The following DCST2 variants were observed in gnomAD, a reference collection of about 807,000 sequenced individuals.
DCST2 encodes DC-STAMP domain-containing protein 2.
DCST2 carries 64 observed loss-of-function variants against 81.8 expected under a neutral mutation model. That is an observed-to-expected ratio of 0.78 (90% CI 0.64 to 0.96). DCST2 has a LOEUF of 0.96. DCST2 is among the 40% of genes least tolerant of loss of function. DCST2 has a pLI of 0.00. For synonymous variants in DCST2, 354 were observed against 402.6 expected (o/e 0.88, Z 1.44); for missense variants, 945 against 1,001.4 (o/e 0.94, Z 0.76).
chr1:155,030,448 C>G lies in DCST2; in HGVS notation c.1003G>C (p.Val335Leu). The G allele has an allele frequency of 6.2e-7, 1 of 1,613,714 alleles. No individual in the cohort carries two copies. The highest frequency in any genetic ancestry group is 8.5e-7 in the Non-Finnish European group (1 of 1,179,936). ...GCCCCTCACTGGAGGTAGAGAAGCA[C>G]AAGCAGCAGAGGCGTGGTGAAGCCC... The part of the protein sequence containing the change: ...LMGFTTPLLL[V>L]LLYLQALFYR... Residue 335 changes from valine to leucine, a missense_variant, in exon 6 of 15, where the codon GTG (valine) becomes CTG (leucine). Transcript: ENST00000368424.
rs1376044950 is a variant in DCST2 at position 155,026,638 on chromosome 1, C to T, written c.1420G>A (p.Asp474Asn). 1 of 1,614,214 alleles carries T rather than the reference C, an allele frequency of 6.2e-7. No homozygotes were observed. The highest frequency in any genetic ancestry group is 1.3e-5 in the African/African-American group (1 of 75,046). Reference protein sequence around the residue: ...NIYRDLVSAFDVLQQGNISIL... With the variant: ...NIYRDLVSAFNVLQQGNISIL... The stretch of plus-strand genomic sequence containing the variant: ...CTGATGTTGCCTTGCTGCAGGACAT[C>T]AAATGCTGACACCAGGTCACGATAA... The change falls in exon 9 of 15, where the codon GAT (aspartate) becomes AAT (asparagine). Residue 474 changes from aspartate (D) to asparagine (N), a missense_variant. By Grantham distance (23) the Asp-to-Asn change is conservative. Transcript: ENST00000368424.
chr1:155,024,290 A>C (rs1034374676), intron 11 of DCST2, among the ~76,000 whole-genome samples, 182 bp downstream of exon 11: 1 of 152,188 alleles, frequency 6.6e-6, no homozygotes, highest in African/African-American at 2.4e-5. Context: ...CCTAAAACTT[A>C]AAGTATAATA....
chr1:155,028,887 A>G (rs1381462626), intron 8 of DCST2, among the ~76,000 whole-genome samples: 1 of 151,070 alleles, frequency 6.6e-6, no homozygotes, highest in African/African-American at 2.4e-5. Context: ...AAAAAAAAAA[A>G]GAGGAAACTG....
intron 11 of DCST2, among the ~76,000 whole-genome samples, chr1:155,024,175 G>A (rs1270200761): frequency 6.6e-6 from 1 of 152,144 alleles, no homozygotes; most frequent in African/African-American, 2.4e-5. Context: ...GAGAGGGATA[G>A]CATTAGGAGA....
In DCST2 at chr1:155,026,580, G is replaced by T. The variant is rs199571532; in HGVS notation, c.1478C>A (p.Ser493Ter). 3.1e-6 allele frequency: 5 copies of T among 1,614,200 alleles called. No individual in the cohort carries two copies. In the South Asian group the frequency reaches 3.3e-5, roughly 11 times the overall value. Residue 493 changes from serine (S) to a stop codon, truncating the protein, a stop_gained, in exon 9 of 15, where the codon TCG becomes TAG. Coordinates refer to ENST00000368424, the MANE Select transcript of DCST2 (RefSeq NM_144622.3). LOFTEE classifies it high-confidence loss of function. ...TATGTAGCCAGTGCTGTCAGGCTCC[G>T]AGGGACGAAGGAGACAACGCCGGGA... ...ILSRRCLLRPSEPDSTGYIVI... is the reference protein window; with the variant it reads ...ILSRRCLLRP
At position 155,021,935 on chromosome 1, in the gene DCST2, T is replaced by C. The variant is rs187323130; in HGVS notation, c.2105+1182A>G. Among the ~76,000 whole-genome samples, 1,135 of 151,894 alleles carry C rather than the reference T, an allele frequency of 7.5e-3. 17 individuals carry two copies. The highest frequency in any genetic ancestry group is 0.026 in the African/African-American group (1,086 of 41,362). On this transcript the variant is annotated intron_variant, in intron 14 of 14. Coordinates refer to ENST00000368424, the MANE Select transcript of DCST2 (RefSeq NM_144622.3). ...GGGCTGGAGTGCAGTGGTGTGATCTTGGCTCACTGCAATCTCTGCCTCCTG... is the reference window on the plus strand; with the variant it reads ...GGGCTGGAGTGCAGTGGTGTGATCTCGGCTCACTGCAATCTCTGCCTCCTG...
intron 5 of DCST2, 84 bp from the exon 6 acceptor site, chr1:155,030,729 C>A: frequency 6.8e-7 from 1 of 1,470,626 alleles, no homozygotes. Context: ...CCTGGCACAG[C>A]CCAGGGGGCG....
Position 155,026,659 on chromosome 1 carries a change from G to A in DCST2, c.1399C>T (p.Arg467Cys), listed in dbSNP as rs754546539. The A allele has an allele frequency of 2.4e-5, 38 of 1,614,204 alleles. No individual in the cohort carries two copies. Among genetic ancestry groups the A allele is most frequent in the East Asian group, 1.1e-4 (5 of 44,894 alleles). Residue 467 changes from arginine to cysteine, a missense_variant, in exon 9 of 15, where the codon CGT (arginine) becomes TGT (cysteine). Transcript: ENST00000368424. ...ACATCAAATGCTGACACCAGGTCAC[G>A]ATAAATATTCCCAGCGTAGCCAGTA... ...EGTGYAGNIY[R>C]DLVSAFDVLQ...
chr1:155,031,515 T>TTCCCCCC, intron 4 of DCST2, 59 bp downstream of exon 4: 40 of 643,122 alleles, frequency 6.2e-5, no homozygotes, highest in Middle Eastern at 3.7e-4. Flanking sequence ...ACCCCCACAT[T>TTCCCCCC]CCCACCCCAC....
chr1:155,023,487 A>C (rs1163435693), intron 12 of DCST2, 30 bp from the exon 13 acceptor site: 1 of 1,558,692 alleles, frequency 6.4e-7, no homozygotes, highest in African/African-American at 1.4e-5. Context: ...ATGGAGGTGA[A>C]CCCGAGTTCA....
At chr1:155,029,090 T>C in intron 8 of DCST2, 143 bp downstream of exon 8, 1 of 973,554 alleles carries the variant, frequency 1.0e-6, no homozygotes, top group South Asian at 1.6e-5. Flanking sequence ...GGCTGCTGAG[T>C]AACAGTGACA....
Position 155,033,252 on chromosome 1 carries a change from G to A in DCST2, c.281C>T (p.Thr94Ile). 1.9e-6 allele frequency: 3 copies of A among 1,611,546 alleles called. No homozygotes were observed. Among genetic ancestry groups the A allele is most frequent in the Non-Finnish European group, 2.5e-6 (3 of 1,178,990 alleles). The stretch of plus-strand genomic sequence containing the variant: ...CCCAAAAGCAGCCACCAACAGTAGT[G>A]TCCGGCCCTGCCCTGGGGGCGACAG... ...LPQAFSRQGR[T>I]LLLVAAFGLV... Residue 94 changes from threonine (T) to isoleucine (I), a missense_variant, in exon 2 of 15, where the codon ACA becomes ATA. Physicochemically the swap from Thr to Ile is moderately conservative, Grantham distance 89. Transcript: ENST00000368424.
intron 11 of DCST2, 102 bp from the exon 12 acceptor site, chr1:155,024,061 C>T (rs1323894765): frequency 1.4e-6 from 2 of 1,461,086 alleles, no homozygotes; most frequent in Non-Finnish European, 1.8e-6. Context: ...TCCTGACTTC[C>T]TGCAGTACAT....
chr1:155,022,229 C>T (rs887562385), intron 14 of DCST2, among the ~76,000 whole-genome samples: 1 of 152,140 alleles, frequency 6.6e-6, no homozygotes, highest in Admixed American at 6.6e-5. Context: ...TTTCAAATGA[C>T]AAGTTAAGGT....
At position 155,018,698 on chromosome 1, in the gene DCST2, G is replaced by A; in HGVS notation, c.2168C>T (p.Ala723Val). The A allele has an allele frequency of 6.2e-7, 1 of 1,613,962 alleles. No individual in the cohort carries two copies. Among genetic ancestry groups the A allele is most frequent in the South Asian group, 1.1e-5 (1 of 91,066 alleles). The change falls in exon 15 of 15, where the codon GCC becomes GTC. Residue 723 changes from alanine (A) to valine (V), a missense_variant. By Grantham distance (64) the Ala-to-Val change is moderately conservative. Coordinates refer to ENST00000368424, the MANE Select transcript of DCST2 (RefSeq NM_144622.3). The stretch of plus-strand genomic sequence containing the variant: ...GGTGAGAATGCTGACAGGCTGATGG[G>A]CTTCAGGTAAGGGCTGCTGCCCGTG... ...RKHGQQPLPE[A>V]HQPVSILTSP... is the part of the protein sequence containing the mutation.
chr1:155,030,086 G>C lies in DCST2; in HGVS notation c.1175C>G (p.Pro392Arg). The change falls in exon 7 of 15, where the codon CCG becomes CGG. Residue 392 changes from proline to arginine, a missense_variant and splice_region_variant. Pro to Arg is a moderately radical substitution (Grantham distance 103). Transcript: ENST00000368424. ...CTCCCTGTCCTCAGGGCCCTCACCC[G>C]GTGGGATGTAGCGCCTGGCCTCGTG... ...SAHEARRYIP[P>R]GSIFLSQWEK... 4 of 1,613,212 alleles carry C rather than the reference G, an allele frequency of 2.5e-6. No homozygotes were observed. Among genetic ancestry groups the C allele is most frequent in the Non-Finnish European group, 3.4e-6 (4 of 1,179,950 alleles).
chr1:155,019,944 C>G (rs572795944), intron 14 of DCST2, among the ~76,000 whole-genome samples: 5 of 152,328 alleles, frequency 3.3e-5, no homozygotes, highest in Non-Finnish European at 7.3e-5. Flanking sequence ...TTATTCCACT[C>G]CCAGCTGCCT....
At position 155,033,514 on chromosome 1, in the gene DCST2, G is replaced by A; in HGVS notation, c.188C>T (p.Ala63Val). The change falls in exon 1 of 15, where the codon GCT (alanine) becomes GTT (valine). Residue 63 changes from alanine to valine, a missense_variant. Coordinates refer to ENST00000368424, the MANE Select transcript of DCST2 (RefSeq NM_144622.3). ...WGCLVGTLTLAAFLSLGMGFS... is the reference protein window; with the variant it reads ...WGCLVGTLTLVAFLSLGMGFS... Reference sequence around the variant, plus strand: ...TCCCATGCCCAGGCTAAGGAAGGCAGCCAAAGTGAGGGTGCCCACCAGGCA... The same window carrying A: ...TCCCATGCCCAGGCTAAGGAAGGCAACCAAAGTGAGGGTGCCCACCAGGCA... 1 of 1,614,062 alleles carries A rather than the reference G, an allele frequency of 6.2e-7. No homozygotes were observed. The highest frequency in any genetic ancestry group is 1.1e-5 in the South Asian group (1 of 91,090).
chr1:155,033,406 GC>G, intron 1 of DCST2, 27 bp downstream of exon 1: 1 of 1,606,610 alleles, frequency 6.2e-7, no homozygotes, highest in Non-Finnish European at 8.5e-7. Context: ...CCCAGGACCT[GC>G]CCCCTAGCCC....
Sources: allele counts gnomAD v4.1 joint callset (sites outside exome capture counted in the v4.1 genomes callset), GRCh38; gene constraint gnomAD v4.1.1; transcripts MANE v1.5; gene names NCBI Gene and HGNC (gene_info 2026-07-23, HGNC 2026-07-21).